Variants in CDH13 observed in about 807,000 individuals in gnomAD.
The protein encoded by CDH13 is cadherin-13.
CDH13 carries 24 observed loss-of-function variants against 63.8 expected under a neutral mutation model. The ratio of observed to expected loss-of-function variants is 0.38; its 90% confidence interval spans 0.27 to 0.53. The LOEUF (loss-of-function observed/expected upper bound fraction) is 0.53. Ranked by LOEUF, CDH13 falls within the 20% of genes least tolerant of loss-of-function variation. The pLI is 0.85. For missense variants in CDH13, 1,049 were observed against 903.1 expected (o/e 1.16, Z -2.07); for synonymous variants, 503 against 355.3 (o/e 1.42, Z -4.67).
In CDH13 at chr16:83,770,759, C is replaced by G. The variant is rs1210272305; in HGVS notation, c.1682-9209C>G. On this transcript the variant is annotated intron_variant, in intron 11 of 13. Coordinates refer to ENST00000567109, the MANE Select transcript of CDH13 (RefSeq NM_001257.5). Reference sequence around the variant, plus strand: ...GGTGGGAGTGCAGTAGTGAGGACCACGAGAGGTCACCCTTGTCACCATGTT... The same window carrying G: ...GGTGGGAGTGCAGTAGTGAGGACCAGGAGAGGTCACCCTTGTCACCATGTT... 2.6e-5 allele frequency among the ~76,000 whole-genome samples: 4 copies of G among 152,138 alleles called. No homozygotes were observed. The South Asian group carries it at 8.3e-4, about 31-fold the overall frequency.
At chr16:82,812,835 C>CTTCCTCCCTTCT (rs79183214) in intron 1 of CDH13, among the ~76,000 whole-genome samples, 1 of 150,532 alleles carries the variant, frequency 6.6e-6, no homozygotes, top group East Asian at 1.9e-4. Flanking sequence ...TCCTCCCTTC[C>CTTCCTCCCTTCT]TTCCTCCCTT....
At chr16:83,045,742 T>C (rs960032324) in intron 3 of CDH13, among the ~76,000 whole-genome samples, 4 of 151,926 alleles carry the variant, frequency 2.6e-5, no homozygotes, top group African/African-American at 9.7e-5. Context: ...GGATTTTCTC[T>C]ATTTGATTCT....
chr16:82,685,659 C>A lies in CDH13; in HGVS notation c.45+58522C>A, dbSNP rs147700129. On this transcript the variant is annotated intron_variant, in intron 1 of 13. Coordinates refer to ENST00000567109, the MANE Select transcript of CDH13 (RefSeq NM_001257.5). Reference sequence around the variant, plus strand: ...ATGTGCTCTGTGTGTGTGCTTTGTACACAAGGCAGAGTTTGCAGTCTGTGA... The same window carrying A: ...ATGTGCTCTGTGTGTGTGCTTTGTAAACAAGGCAGAGTTTGCAGTCTGTGA... Among the ~76,000 whole-genome samples the A allele has an allele frequency of 5.6e-3, 850 of 150,920 alleles. 5 individuals carry two copies. The highest frequency in any genetic ancestry group is 0.022 in the Middle Eastern group (6 of 278).
At position 83,800,362 on chromosome 16, in the gene CDH13, A is replaced by G. The variant is rs969306708; in HGVS notation, c.*5332A>G. On this transcript the variant is annotated 3_prime_UTR_variant, in exon 14 of 14. Coordinates refer to ENST00000567109, the MANE Select transcript of CDH13 (RefSeq NM_001257.5). ...GAGTTATATCTGTGTTGTCATGCAC[A>G]TGTCAACACTGTCCTGATGACAAAA... The G allele has an allele frequency of 6.6e-6, 1 of 152,242 alleles. No homozygotes were observed. The allele number at this position is 152,242 out of a possible 1,614,324, so 9.4% of individuals were successfully genotyped here. A position where few individuals can be genotyped will look rare whatever the true frequency, so the allele number is the denominator to read the frequency against.
chr16:83,096,228 C>T (rs973591638), intron 3 of CDH13, among the ~76,000 whole-genome samples: 13 of 152,140 alleles, frequency 8.5e-5, no homozygotes, highest in African/African-American at 2.9e-4. Flanking sequence ...AGTTAATCAT[C>T]AGGTCTCAGG....
At chr16:83,740,661 G>A (rs539202511) in intron 10 of CDH13, among the ~76,000 whole-genome samples, 2 of 152,200 alleles carry the variant, frequency 1.3e-5, no homozygotes, top group South Asian at 2.1e-4. Flanking sequence ...GATTTCACCA[G>A]GAGCTCTGGG....
At chr16:82,684,800 C>T (rs1055682529) in intron 1 of CDH13, among the ~76,000 whole-genome samples, 5 of 152,194 alleles carry the variant, frequency 3.3e-5, no homozygotes, top group Non-Finnish European at 5.9e-5. Context: ...TAGCCTGAGC[C>T]CACTCAGAGC....
At chr16:83,161,801 T>G (rs1250226251) in intron 4 of CDH13, among the ~76,000 whole-genome samples, 4 of 152,180 alleles carry the variant, frequency 2.6e-5, no homozygotes. Flanking sequence ...ACAACAACTC[T>G]AAAAGATTCC....
intron 5 of CDH13, among the ~76,000 whole-genome samples, chr16:83,324,102 A>G (rs1349973533): frequency 1.3e-5 from 2 of 151,404 alleles, no homozygotes; most frequent in Non-Finnish European, 2.9e-5. Context: ...CAATGGCACA[A>G]TCTTGGGTCA....
At chr16:83,294,261 T>C (rs1282135977) in intron 5 of CDH13, among the ~76,000 whole-genome samples, 1 of 152,202 alleles carries the variant, frequency 6.6e-6, no homozygotes, top group Non-Finnish European at 1.5e-5. Flanking sequence ...ATTCACTCTT[T>C]TAGCATTTTT....
At chr16:83,544,776 C>T (rs1262724238) in intron 7 of CDH13, among the ~76,000 whole-genome samples, 3 of 152,270 alleles carry the variant, frequency 2.0e-5, no homozygotes, top group East Asian at 1.9e-4. Context: ...TAACCCTCAC[C>T]GTCTTTGTTT....
intron 4 of CDH13, among the ~76,000 whole-genome samples, chr16:83,150,566 A>G (rs1366854767): frequency 2.0e-5 from 3 of 152,202 alleles, no homozygotes; most frequent in Non-Finnish European, 4.4e-5. Context: ...TTGTTGATCC[A>G]GGTCTCAGCT....
chr16:82,900,227 G>T (rs1005730187), intron 2 of CDH13, among the ~76,000 whole-genome samples: 3 of 152,184 alleles, frequency 2.0e-5, no homozygotes, highest in African/African-American at 7.2e-5. Context: ...ACAAGCCCAT[G>T]CCTGTCCCAA....
intron 5 of CDH13, among the ~76,000 whole-genome samples, chr16:83,304,136 A>C (rs1042479130): frequency 3.3e-5 from 5 of 152,200 alleles, no homozygotes; most frequent in Non-Finnish European, 7.3e-5. Flanking sequence ...TAGTAATAGG[A>C]GATAAGGCTG....
At chr16:82,748,644 T>G (rs1597466196) in intron 1 of CDH13, among the ~76,000 whole-genome samples, 1 of 152,140 alleles carries the variant, frequency 6.6e-6, no homozygotes, top group Non-Finnish European at 1.5e-5. Flanking sequence ...TGTTAATAAT[T>G]GTACATTGTA....
rs1421798343 is a variant in CDH13 at position 83,034,686 on chromosome 16, C to G, written c.366+2468C>G. On this transcript the variant is annotated intron_variant, in intron 3 of 13. Coordinates refer to ENST00000567109, the MANE Select transcript of CDH13 (RefSeq NM_001257.5). Reference sequence around the variant, plus strand: ...CGTGAATGGTGGCTCATCTTTCTATCTGGAAAAGATACTGTCATCGTATTT... The same window carrying G: ...CGTGAATGGTGGCTCATCTTTCTATGTGGAAAAGATACTGTCATCGTATTT... 4.6e-5 allele frequency among the ~76,000 whole-genome samples: 7 copies of G among 152,298 alleles called. No homozygotes were observed. The East Asian group carries it at 1.4e-3, about 29-fold the overall frequency.
intron 5 of CDH13, among the ~76,000 whole-genome samples, chr16:83,313,331 A>G (rs903666711): frequency 6.6e-6 from 1 of 152,182 alleles, no homozygotes; most frequent in Admixed American, 6.5e-5. Flanking sequence ...GATTCTGCAA[A>G]TGTAGATATT....
At chr16:83,265,753 T>C (rs188027664) in intron 5 of CDH13, among the ~76,000 whole-genome samples, 4,971 of 132,140 alleles carry the variant, frequency 0.038, 107 homozygotes, top group Middle Eastern at 0.11. Flanking sequence ...TTTTTTTTTT[T>C]GGTCTGTGTC....
intron 6 of CDH13, among the ~76,000 whole-genome samples, chr16:83,473,252 C>T (rs1012646590): frequency 2.0e-5 from 3 of 152,310 alleles, no homozygotes; most frequent in African/African-American, 7.2e-5. Context: ...AGCCGACTTC[C>T]CAGCCATGAA....
Sources: gnomAD v4.1 joint callset for allele counts (sites outside exome capture counted in the v4.1 genomes callset) on GRCh38, gnomAD v4.1.1 for gene constraint, MANE v1.5 for transcripts, NCBI Gene and HGNC (gene_info 2026-07-23, HGNC 2026-07-21) for gene names.